Variants in GARNL3 observed in about 807,000 individuals in gnomAD.
GARNL3 encodes the protein GTPase activating Rap/RanGAP domain like 3.
A neutral mutation model predicts 125.0 loss-of-function variants in GARNL3; 63 were observed. The ratio of observed to expected loss-of-function variants is 0.50; its 90% CI spans 0.41 to 0.62. The LOEUF (loss-of-function observed/expected upper bound fraction) is 0.62. Ranked by LOEUF, GARNL3 falls within the 20% of genes least tolerant of loss-of-function variation. The pLI is 0.00. For synonymous variants in GARNL3, 439 were observed against 457.5 expected, an observed-to-expected ratio of 0.96 and a Z score of 0.52; for missense variants, 994 against 1,244.0, an observed-to-expected ratio of 0.80 and a Z score of 3.02.
chr9:127,391,533 A>AAAAAAAAAAAATATATAT lies in GARNL3; in HGVS notation c.2870+767_2870+768insAAAAAAAAAATATATATA. 4.0e-5 allele frequency among the ~76,000 whole-genome samples: 3 copies of AAAAAAAAAAAATATATAT among 75,848 alleles called. 1 individual carries two copies. Among genetic ancestry groups the AAAAAAAAAAAATATATAT allele is most frequent in the Non-Finnish European group, 6.4e-5 (2 of 31,470 alleles). The allele number at this position is 75,848 out of a possible 152,430, so 49.8% of individuals were successfully genotyped here. A position where few individuals can be genotyped will look rare whatever the true frequency, so the allele number is the denominator to read the frequency against. ...GCAAGACCCATCTCTACAAAAAAAA[A>AAAAAAAAAAAATATATAT]ATATATATATATATATATAGGCTGG... is the stretch of plus-strand genomic sequence containing the variant. On this transcript the variant is annotated intron_variant, in intron 27 of 27. Transcript: ENST00000373387.
At chr9:127,349,059 A>G in intron 17 of GARNL3, 24 bp downstream of exon 17, 1 of 1,512,572 alleles carries the variant, frequency 6.6e-7, no homozygotes, top group Non-Finnish European at 9.2e-7. Flanking sequence ...TGCTCCTACA[A>G]ATGTCTTTTT....
At chr9:127,374,145 C>CA (rs1588957830) in intron 22 of GARNL3, among the ~76,000 whole-genome samples, 1 of 151,804 alleles carries the variant, frequency 6.6e-6, no homozygotes, top group Non-Finnish European at 1.5e-5. Context: ...CTACTAAATA[C>CA]AAAAAATTAG....
intron 1 of GARNL3, among the ~76,000 whole-genome samples, chr9:127,290,143 G>C (rs773785293): frequency 1.3e-5 from 2 of 152,092 alleles, no homozygotes; most frequent in Non-Finnish European, 2.9e-5. Flanking sequence ...AGAATTAAAC[G>C]AGATAATACA....
chr9:127,371,464 T>C (rs919564473), intron 22 of GARNL3, among the ~76,000 whole-genome samples: 1 of 152,182 alleles, frequency 6.6e-6, no homozygotes, highest in Admixed American at 6.5e-5. Context: ...AAGGAACTGG[T>C]GCAGGCTGTG....
intron 4 of GARNL3, among the ~76,000 whole-genome samples, chr9:127,314,860 G>C (rs1221700857): frequency 3.9e-5 from 6 of 152,222 alleles, no homozygotes; most frequent in Non-Finnish European, 8.8e-5. Context: ...TTTAGGGAAA[G>C]CCTCCTGAGG....
intron 1 of GARNL3, among the ~76,000 whole-genome samples, chr9:127,226,301 C>T (rs1485844991): frequency 2.0e-5 from 3 of 152,260 alleles, no homozygotes; most frequent in African/African-American, 7.2e-5. Context: ...AGCAAACTAA[C>T]CAGGATCCTT....
intron 6 of GARNL3, among the ~76,000 whole-genome samples, chr9:127,322,463 T>G (rs1011279272): frequency 2.0e-5 from 3 of 152,222 alleles, no homozygotes; most frequent in Admixed American, 1.3e-4. Context: ...TCTGTGCCTG[T>G]TTTTACCAAA....
At chr9:127,342,474 C>A in intron 14 of GARNL3, 140 bp downstream of exon 14, 1 of 602,790 alleles carries the variant, frequency 1.7e-6, no homozygotes, top group South Asian at 2.2e-5. Context: ...GCTGTGGCCA[C>A]CATGGGCTGA....
At chr9:127,383,390 C>T in intron 22 of GARNL3, 48 bp from the exon 23 acceptor site, 1 of 1,162,010 alleles carries the variant, frequency 8.6e-7, no homozygotes, top group Non-Finnish European at 1.3e-6. Context: ...TTACAGTCAT[C>T]TAAGTGTTGT....
upstream of GARNL3, chr9:127,264,093 G>T (rs780027693): frequency 2.1e-5 from 17 of 811,436 alleles, no homozygotes; most frequent in East Asian, 8.4e-5. Context: ...CTATGTTATC[G>T]TAGAGTTATT....
intron 2 of GARNL3, 150 bp downstream of exon 2, chr9:127,291,392 TGGAAGGTGCTA>T: frequency 1.4e-6 from 1 of 690,100 alleles, no homozygotes; most frequent in Non-Finnish European, 2.5e-6. Flanking sequence ...TATTCTGGCA[TGGAAGGTGCTA>T]TTCATAGGGT....
At chr9:127,367,551 C>T (rs1831351094) in intron 22 of GARNL3, among the ~76,000 whole-genome samples, 1 of 152,082 alleles carries the variant, frequency 6.6e-6, no homozygotes, top group African/African-American at 2.4e-5. Context: ...CAATATGCTA[C>T]TAATATTGGG....
chr9:127,285,302 A>G (rs1208273595), intron 1 of GARNL3, among the ~76,000 whole-genome samples: 2 of 152,216 alleles, frequency 1.3e-5, no homozygotes, highest in African/African-American at 2.4e-5. Flanking sequence ...ATGATGGTGC[A>G]TGCCTGTAAT....
At chr9:127,378,574 T>G (rs1588966647) in intron 22 of GARNL3, among the ~76,000 whole-genome samples, 1 of 93,380 alleles carries the variant, frequency 1.1e-5, no homozygotes, top group Non-Finnish European at 2.0e-5. Context: ...GCAACAAGAG[T>G]GAAACTCCGT....
intron 2 of GARNL3, among the ~76,000 whole-genome samples, chr9:127,309,823 G>A (rs2065047667): frequency 6.6e-6 from 1 of 152,120 alleles, no homozygotes; most frequent in African/African-American, 2.4e-5. Flanking sequence ...AACATCTTTA[G>A]CATGATAAAG....
At chr9:127,382,367 G>A (rs903339643) in intron 22 of GARNL3, among the ~76,000 whole-genome samples, 1 of 152,010 alleles carries the variant, frequency 6.6e-6, no homozygotes. Context: ...GCTAAAACAT[G>A]ATGGTTTGGG....
rs1832897860 is a variant in GARNL3, at chr9:127,392,046, C to A, written c.2871-1037C>A. The stretch of plus-strand genomic sequence containing the variant: ...CTTCAAGGGGTTCCCAGGCCAGTGG[C>A]AAAGACCAACAAGCGTCCAGAAAAT... On this transcript the variant is annotated intron_variant, in intron 27 of 27. Transcript: ENST00000373387. This position sits in a 1 kb window ranked among gnomAD's most constrained non-coding sequence, Gnocchi z 5.2. Among the ~76,000 whole-genome samples the A allele has an allele frequency of 6.6e-6, 1 of 152,160 alleles. No individual in the cohort carries two copies. Among genetic ancestry groups the A allele is most frequent in the Non-Finnish European group, 1.5e-5 (1 of 68,030 alleles).
chr9:127,331,625 C>T (rs10819274), intron 7 of GARNL3, among the ~76,000 whole-genome samples: 87,499 of 151,226 alleles, frequency 0.58, 25,907 homozygotes, highest in East Asian at 0.74. Context: ...AAGCTGCTAT[C>T]TATCATTTCC....
intron 2 of GARNL3, among the ~76,000 whole-genome samples, chr9:127,247,419 G>C (rs1262500128): frequency 1.3e-5 from 2 of 152,158 alleles, no homozygotes; most frequent in African/African-American, 4.8e-5. Context: ...CCTCAATGCT[G>C]TCAAGTCAGA....
Sources: gnomAD v4.1 joint callset for allele counts (sites outside exome capture counted in the v4.1 genomes callset) on GRCh38, gnomAD v4.1.1 for gene constraint, Gnocchi (gnomAD v3.1) non-coding constraint, MANE v1.5 for transcripts, NCBI Gene and HGNC (gene_info 2026-07-23, HGNC 2026-07-21) for gene names.